The following PODNL1 variants were observed in gnomAD, a reference collection of about 807,000 sequenced individuals.
The protein encoded by PODNL1 is podocan like 1, also known as podocan-like protein 1.
In PODNL1, 50 loss-of-function variants were observed where a neutral mutation model predicts 45.1. The ratio of observed to expected loss-of-function variants is 1.11; its 90% CI spans 0.88 to 1.40. PODNL1 has a LOEUF of 1.40. Among genes scored for constraint, PODNL1 ranks in the 40% most tolerant of loss-of-function variants. PODNL1 has a pLI of 0.00. For missense variants in PODNL1, 788 were observed against 793.3 expected (o/e 0.99, Z 0.08); for synonymous variants, 406 against 372.5 (o/e 1.09, Z -1.04).
Position 13,944,646 on chromosome 19 carries a change from C to A in PODNL1, c.19-6640G>T, listed in dbSNP as rs560520497. On this transcript the variant is annotated intron_variant, in intron 1 of 7. Transcript: ENST00000538371. ...CTAATTTTTGTATTTTTAATAGAGACAGGTTTTGCCAAGTTGGCCAGGCTG... is the reference window on the plus strand; with the variant it reads ...CTAATTTTTGTATTTTTAATAGAGAAAGGTTTTGCCAAGTTGGCCAGGCTG... Among the ~76,000 whole-genome samples, 84 of 152,096 alleles carry A rather than the reference C, an allele frequency of 5.5e-4. 1 individual carries two copies. Among genetic ancestry groups the A allele is most frequent in the African/African-American group, 2.0e-3 (82 of 41,500 alleles).
chr19:13,936,121 C>G, intron 3 of PODNL1, 77 bp from the exon 4 acceptor site: 1 of 1,323,030 alleles, frequency 7.6e-7, no homozygotes, highest in Non-Finnish European at 1.1e-6. Flanking sequence ...CCAGCTGCCC[C>G]AGGACTCTCG....
intron 1 of PODNL1, among the ~76,000 whole-genome samples, chr19:13,948,159 G>T (rs112314433): frequency 0.025 from 3,821 of 151,844 alleles, 128 homozygotes; most frequent in African/African-American, 0.074. Context: ...TTACAGGCGT[G>T]AGCCACCACG....
Position 13,935,381 on chromosome 19 carries a change from C to T in PODNL1, c.494+340G>A, listed in dbSNP as rs1165720282. Among the ~76,000 whole-genome samples the T allele has an allele frequency of 5.3e-5, 8 of 152,198 alleles. No homozygotes were observed. In the South Asian group the frequency reaches 6.2e-4, roughly 12 times the overall value. Reference sequence around the variant, plus strand: ...TCACTCTGTCGCCCAGGCTTGAGTGCGGTGGCACGATTTCGTCTCACTGCA... The same window carrying T: ...TCACTCTGTCGCCCAGGCTTGAGTGTGGTGGCACGATTTCGTCTCACTGCA... On this transcript the variant is annotated intron_variant, in intron 5 of 9. Transcript: ENST00000588872.
rs1972842285 is a variant in PODNL1, at chr19:13,947,053, AC to A, written c.18+6065del. On this transcript the variant is annotated intron_variant, in intron 1 of 7. Coordinates refer to the PODNL1 transcript ENST00000538371. Reference sequence around the variant, plus strand: ...CTCAAAAAAAAAAAAACACAAAAAAACAAAAAAAAAACACCATAAAAACACC... The same window carrying A: ...CTCAAAAAAAAAAAAACACAAAAAAAAAAAAAAAAACACCATAAAAACACC... 7.5e-5 allele frequency among the ~76,000 whole-genome samples: 11 copies of A among 146,938 alleles called. No individual in the cohort carries two copies. The South Asian group carries it at 2.3e-3, about 31-fold the overall frequency.
At chr19:13,945,357 A>AAAAG (rs1207295122) in intron 1 of PODNL1, among the ~76,000 whole-genome samples, 1 of 152,064 alleles carries the variant, frequency 6.6e-6, no homozygotes, top group East Asian at 1.9e-4. Flanking sequence ...AAAAAAAAAA[A>AAAAG]AAATTCAGAA....
chr19:13,945,627 C>T (rs955029804), intron 1 of PODNL1, among the ~76,000 whole-genome samples: 1 of 151,748 alleles, frequency 6.6e-6, no homozygotes, highest in Non-Finnish European at 1.5e-5. Context: ...GTTGGAATTA[C>T]AGGTGCCTGC....
chr19:13,950,602 C>T (rs1199302993), intron 1 of PODNL1, among the ~76,000 whole-genome samples: 1 of 152,180 alleles, frequency 6.6e-6, no homozygotes, highest in African/African-American at 2.4e-5. Flanking sequence ...TAGCTGGGGT[C>T]CGTGATGTCA....
At chr19:13,951,480 ACAAAAAATTAGGC>A (rs1187445424) in intron 1 of PODNL1, among the ~76,000 whole-genome samples, 3 of 150,978 alleles carry the variant, frequency 2.0e-5, no homozygotes, top group Non-Finnish European at 2.9e-5. Flanking sequence ...TACAAAAAAT[ACAAAAAATTAGGC>A]CGGGCGCGGT....
chr19:13,942,511 G>A (rs1024058751), upstream of PODNL1, among the ~76,000 whole-genome samples: 1 of 152,072 alleles, frequency 6.6e-6, no homozygotes, highest in Non-Finnish European at 1.5e-5. Context: ...TTATCTTCCT[G>A]CAACAAACTC....
At position 13,938,178 on chromosome 19, in the gene PODNL1, C is replaced by A. The variant is rs1205724872; in HGVS notation, c.3+1G>T. On this transcript the variant is annotated splice_donor_variant, in intron 1 of 9. Transcript: ENST00000588872. LOFTEE classifies it high-confidence loss of function. The stretch of plus-strand genomic sequence containing the variant: ...TCAGACCCTCCCGTGCCCCACCTTA[C>A]CATGGCCAGCCCTGACTCTGCCATC... The A allele has an allele frequency of 1.2e-6, 2 of 1,606,862 alleles. No individual in the cohort carries two copies. The highest frequency in any genetic ancestry group is 4.5e-5 in the East Asian group (2 of 44,688).
In PODNL1 at chr19:13,937,958, C is replaced by G. The variant is rs776936134; in HGVS notation, c.52G>C (p.Ala18Pro). The change falls in exon 2 of 10, where the codon GCC (alanine) becomes CCC (proline). Residue 18 changes from alanine to proline, a missense_variant. Physicochemically the swap from Ala to Pro is conservative, Grantham distance 27 (BLOSUM62 -1). This residue lies in a region of PODNL1 where 762 missense variants were observed against 750.9 expected (regional missense o/e 1.01). Transcript: ENST00000588872. ...GGGAAGGCAGCGTCTTCCAAGCCGG[C>G]GACGGGCGGGGGCCCCGGCAACAGC... Reference protein sequence around the residue: ...LLLLPGPPPVAGLEDAAFPHL... With the variant: ...LLLLPGPPPVPGLEDAAFPHL... 5.2e-6 allele frequency: 8 copies of G among 1,542,312 alleles called. No homozygotes were observed. In the East Asian group the frequency reaches 2.0e-4, roughly 38 times the overall value.
intron 8 of PODNL1, 27 bp from the exon 9 acceptor site, chr19:13,932,139 G>A (rs988047656): frequency 1.1e-5 from 14 of 1,234,084 alleles, no homozygotes; most frequent in Non-Finnish European, 1.4e-5. Context: ...AGATGGCATC[G>A]TGGCAGCCCC....
intron 8 of PODNL1, chr19:13,932,337 TC>T (rs1972004699): frequency 2.0e-6 from 1 of 496,304 alleles, no homozygotes; most frequent in Non-Finnish European, 3.3e-6. Flanking sequence ...AATGAGTCAG[TC>T]ATTGAATCGC....
At position 13,937,999 on chromosome 19, in the gene PODNL1, C is replaced by A; in HGVS notation, c.11G>T (p.Ser4Ile). Reference sequence around the variant, plus strand: ...CGGCAACAGCAGGAGCAGCAGCAGGCTCGGCCACTGCGGGGGAGGGAGGGT... The same window carrying A: ...CGGCAACAGCAGGAGCAGCAGCAGGATCGGCCACTGCGGGGGAGGGAGGGT... MWPSLLLLLLLPGP... is the reference protein window; with the variant it reads MWPILLLLLLLPGP... The change falls in exon 2 of 10, where the codon AGC becomes ATC. Residue 4 changes from serine to isoleucine, a missense_variant. Physicochemically the swap from Ser to Ile is moderately radical, Grantham distance 142. Transcript: ENST00000588872. 1 of 1,530,586 alleles carries A rather than the reference C, an allele frequency of 6.5e-7. No homozygotes were observed. The highest frequency in any genetic ancestry group is 8.8e-7 in the Non-Finnish European group (1 of 1,133,792). 94.8% of individuals were successfully genotyped at this position (1,530,586 alleles called of 1,614,324 possible). A position where few individuals can be genotyped will look rare whatever the true frequency, so the allele number is the denominator to read the frequency against.
intron 1 of PODNL1, among the ~76,000 whole-genome samples, chr19:13,943,898 G>T (rs182991020): frequency 6.6e-6 from 1 of 152,026 alleles, no homozygotes; most frequent in Non-Finnish European, 1.5e-5. Context: ...TCACATTCAC[G>T]GCATCGGGGA....
At chr19:13,934,685 AGT>A (rs771944605) in intron 5 of PODNL1, among the ~76,000 whole-genome samples, 11 of 150,012 alleles carry the variant, frequency 7.3e-5, no homozygotes, top group East Asian at 2.0e-4. Context: ...GCATATGTGG[AGT>A]GTGTGTGCAC....
At chr19:13,949,067 C>T (rs1972919756) in intron 1 of PODNL1, among the ~76,000 whole-genome samples, 1 of 151,894 alleles carries the variant, frequency 6.6e-6, no homozygotes, top group Non-Finnish European at 1.5e-5. Context: ...TCAAGCGATT[C>T]TCATGCCTCA....
At chr19:13,947,528 C>T (rs1474377091) in intron 1 of PODNL1, among the ~76,000 whole-genome samples, 1 of 151,662 alleles carries the variant, frequency 6.6e-6, no homozygotes, top group Non-Finnish European at 1.5e-5. Context: ...TGCAGGACAT[C>T]ATGTTGGTGT....
chr19:13,945,607 C>T (rs1028440557), intron 1 of PODNL1, among the ~76,000 whole-genome samples: 3 of 151,872 alleles, frequency 2.0e-5, no homozygotes, highest in Non-Finnish European at 4.4e-5. Flanking sequence ...CTGCCTCAGC[C>T]TCCTGAGTAG....
Sources: allele counts gnomAD v4.1 joint callset (sites outside exome capture counted in the v4.1 genomes callset), GRCh38; gene constraint gnomAD v4.1.1; regional missense constraint gnomAD v4.1.1; transcripts MANE v1.5; gene names NCBI Gene and HGNC (gene_info 2026-07-23, HGNC 2026-07-21).